SLC2A9: variants seen among roughly 807,000 people sequenced by gnomAD.
SLC2A9 encodes solute carrier family 2 member 9, also known as solute carrier family 2, facilitated glucose transporter member 9.
Under a neutral mutation model 50.6 loss-of-function variants are expected in SLC2A9, and 39 were observed. The ratio of observed to expected loss-of-function variants is 0.77; its 90% CI spans 0.60 to 1.01. The LOEUF (loss-of-function observed/expected upper bound fraction) is 1.01, where lower values mean the gene tolerates loss of function less well. Ranked by LOEUF, SLC2A9 falls within the 50% of genes least tolerant of loss-of-function variation. SLC2A9 has a pLI of 0.00. For synonymous variants in SLC2A9, 324 were observed against 276.9 expected, an observed-to-expected ratio of 1.17 and a Z score of -1.69; for missense variants, 686 against 677.6, an observed-to-expected ratio of 1.01 and a Z score of -0.14.
chr4:9,982,539 A>G lies in SLC2A9; in HGVS notation c.536-1802T>C, dbSNP rs184886065. On this transcript the variant is annotated intron_variant, in intron 4 of 11. Coordinates refer to ENST00000264784, the MANE Select transcript of SLC2A9 (RefSeq NM_020041.3). ...TTTAGTTAAGGAAATTCAGAGATCAATTAGTTATATGTTCGAAGGGTCAAC... is the reference window on the plus strand; with the variant it reads ...TTTAGTTAAGGAAATTCAGAGATCAGTTAGTTATATGTTCGAAGGGTCAAC... 1.1e-3 allele frequency among the ~76,000 whole-genome samples: 172 copies of G among 152,364 alleles called. 1 individual carries two copies. Among genetic ancestry groups the G allele is most frequent in the Non-Finnish European group, 1.0e-3 (68 of 68,040 alleles).
downstream of SLC2A9, among the ~76,000 whole-genome samples, chr4:9,795,827 C>T (rs116068616): frequency 5.5e-3 from 835 of 152,260 alleles, 6 homozygotes; most frequent in African/African-American, 0.019. Context: ...TCTCTGTCCA[C>T]AAAAGACCTC....
upstream of SLC2A9, chr4:10,025,642 C>A (rs1234186072): frequency 4.8e-5 from 23 of 475,924 alleles, no homozygotes; most frequent in Non-Finnish European, 1.5e-5. Flanking sequence ...TGAGAAATGA[C>A]CTTTGTAATG....
At chr4:9,932,258 G>A (rs1416529741) in intron 6 of SLC2A9, among the ~76,000 whole-genome samples, 3 of 151,758 alleles carry the variant, frequency 2.0e-5, no homozygotes, top group Non-Finnish European at 2.9e-5. Context: ...AAGCAGCAGC[G>A]TGCTACAGAC....
chr4:9,883,272 C>T (rs1183911815), intron 10 of SLC2A9, among the ~76,000 whole-genome samples: 1 of 152,094 alleles, frequency 6.6e-6, no homozygotes, highest in East Asian at 1.9e-4. Context: ...AAAGTTATTA[C>T]CAGAGACTGG....
chr4:9,774,338 TTA>T (rs947416276), intron 1 of SLC2A9, among the ~76,000 whole-genome samples: 1 of 152,166 alleles, frequency 6.6e-6, no homozygotes, highest in African/African-American at 2.4e-5. Flanking sequence ...GGGAGAATGT[TTA>T]GTGTTCTAAA....
chr4:9,815,658 C>T (rs918561010), intron 3 of SLC2A9, among the ~76,000 whole-genome samples: 2 of 152,162 alleles, frequency 1.3e-5, no homozygotes, highest in African/African-American at 4.8e-5. Context: ...TTTTCTGGTT[C>T]CTATGATGGA....
intron 3 of SLC2A9, among the ~76,000 whole-genome samples, chr4:9,814,680 G>C (rs1479343172): frequency 6.6e-6 from 1 of 152,130 alleles, no homozygotes; most frequent in Non-Finnish European, 1.5e-5. Flanking sequence ...CCTTTATGTG[G>C]TCTTTCATGC....
chr4:9,978,979 C>T lies in SLC2A9; in HGVS notation c.681+1613G>A, dbSNP rs191105643. Among the ~76,000 whole-genome samples the T allele has an allele frequency of 2.0e-3, 306 of 152,320 alleles. 1 individual carries two copies. Among genetic ancestry groups the T allele is most frequent in the African/African-American group, 7.0e-3 (292 of 41,562 alleles). ...ATTCCTCCACTTATAAAACCTTCCA[C>T]TGAATGAGAAAGGAGCTGGCCCTAG... On this transcript the variant is annotated intron_variant, in intron 5 of 11. Transcript: ENST00000264784.
intron 10 of SLC2A9, among the ~76,000 whole-genome samples, chr4:9,846,019 T>G (rs1728933925): frequency 6.6e-6 from 1 of 152,222 alleles, no homozygotes; most frequent in African/African-American, 2.4e-5. Context: ...TACTAGTTGA[T>G]GTAAGAACTA....
At chr4:9,980,530 T>C in intron 5 of SLC2A9, 62 bp downstream of exon 5, 1 of 1,610,500 alleles carries the variant, frequency 6.2e-7, no homozygotes, top group African/African-American at 1.3e-5. Context: ...GAGAAAAGGC[T>C]CCTTCCTGCA....
intron 1 of SLC2A9, chr4:10,034,178 A>G (rs1251633280): frequency 3.3e-5 from 5 of 152,274 alleles, no homozygotes; most frequent in Non-Finnish European, 5.9e-5. Context: ...TCATGACTCA[A>G]AAGAAACAAG....
chr4:9,837,586 C>T (rs770604457), intron 10 of SLC2A9, among the ~76,000 whole-genome samples: 2 of 152,218 alleles, frequency 1.3e-5, no homozygotes, highest in Non-Finnish European at 2.9e-5. Flanking sequence ...AAATTGCCTC[C>T]TGGTACATCT....
In SLC2A9 at chr4:10,021,307, A is replaced by G. The variant is rs112581525; in HGVS notation, c.123T>C (p.Ser41=). Residue 41 remains serine, a synonymous_variant, in exon 1 of 12, where the codon AGT becomes AGC. Coordinates refer to ENST00000264784, the MANE Select transcript of SLC2A9 (RefSeq NM_020041.3). ...TTCTTCTCCTTCCACCTGGCACCCC[A>G]CTCCTCAGGTGGTCACACTCCAGCA... ...RALLECDHLR[S]GVPGGRRRKD... is the part of the protein sequence containing the mutation. 991 of 1,613,372 alleles carry G rather than the reference A, an allele frequency of 6.1e-4. 3 individuals are homozygous for G. In the African/African-American group the frequency reaches 0.01, roughly 17 times the overall value.
downstream of SLC2A9, among the ~76,000 whole-genome samples, chr4:9,778,672 A>G (rs1391791848): frequency 6.6e-6 from 1 of 152,146 alleles, no homozygotes; most frequent in African/African-American, 2.4e-5. Flanking sequence ...TAATGTATCC[A>G]TTCTCTATCA....
upstream of SLC2A9, among the ~76,000 whole-genome samples, chr4:10,024,114 A>G (rs1763675457): frequency 6.6e-6 from 1 of 152,108 alleles, no homozygotes. Flanking sequence ...ACCCTTCAGC[A>G]CTTAACTCTC....
At chr4:9,856,049 C>T (rs964893771) in intron 10 of SLC2A9, among the ~76,000 whole-genome samples, 1 of 152,122 alleles carries the variant, frequency 6.6e-6, no homozygotes, top group Admixed American at 6.6e-5. Context: ...TGGACATAGG[C>T]CCTGGCACAG....
chr4:9,944,575 T>C (rs961611136), intron 5 of SLC2A9, among the ~76,000 whole-genome samples: 5 of 152,228 alleles, frequency 3.3e-5, no homozygotes, highest in African/African-American at 1.2e-4. Flanking sequence ...AGCCCCCGGA[T>C]TGGGATGCCA....
downstream of SLC2A9, among the ~76,000 whole-genome samples, chr4:9,823,916 T>C (rs1462199675): frequency 6.6e-6 from 1 of 152,194 alleles, no homozygotes; most frequent in Non-Finnish European, 1.5e-5. Context: ...AAATTGCTTA[T>C]GTTGGGGGAG....
At chr4:9,772,283 C>G (rs1013923799) in intron 1 of SLC2A9, among the ~76,000 whole-genome samples, 1 of 152,132 alleles carries the variant, frequency 6.6e-6, no homozygotes, top group African/African-American at 2.4e-5. Context: ...GCTGGTGGAG[C>G]CATTTTGAGA....
Sources: allele counts gnomAD v4.1 joint callset (sites outside exome capture counted in the v4.1 genomes callset), GRCh38; gene constraint gnomAD v4.1.1; transcripts MANE v1.5; gene names NCBI Gene and HGNC (gene_info 2026-07-23, HGNC 2026-07-21).